The following AFTPH variants were observed in gnomAD, a reference collection of about 807,000 sequenced individuals.
AFTPH encodes the protein aftiphilin.
A neutral mutation model predicts 72.5 loss-of-function variants in AFTPH; 7 were observed. The ratio of observed to expected loss-of-function variants is 0.10; its 90% CI spans 0.05 to 0.18. The LOEUF (loss-of-function observed/expected upper bound fraction) is 0.18. AFTPH is among the 10% of genes least tolerant of loss of function. AFTPH has a pLI of 1.00. For synonymous variants in AFTPH, 337 were observed against 370.1 expected (o/e 0.91, Z 1.03); for missense variants, 979 against 1,060.5 (o/e 0.92, Z 1.07).
chr2:64,556,678 G>A (rs921308228), intron 2 of AFTPH, among the ~76,000 whole-genome samples: 8 of 152,098 alleles, frequency 5.3e-5, no homozygotes, highest in East Asian at 1.9e-4. Context: ...ATATGTCTTC[G>A]TTGGGGTTAG....
intron 7 of AFTPH, among the ~76,000 whole-genome samples, chr2:64,584,657 C>A (rs915834445): frequency 1.5e-5 from 2 of 134,704 alleles, no homozygotes; most frequent in South Asian, 2.3e-4. Context: ...AGTGCAGTGG[C>A]GTGATCTCGG....
At chr2:64,576,145 G>A (rs1672782882) in intron 6 of AFTPH, among the ~76,000 whole-genome samples, 1 of 143,698 alleles carries the variant, frequency 7.0e-6, no homozygotes, top group Non-Finnish European at 1.5e-5. Flanking sequence ...AAATACGTGT[G>A]TGTGTGTGTG....
At chr2:64,557,539 G>T (rs1232876154) in intron 2 of AFTPH, among the ~76,000 whole-genome samples, 1 of 152,176 alleles carries the variant, frequency 6.6e-6, no homozygotes, top group Non-Finnish European at 1.5e-5. Context: ...TGGAGTGCAG[G>T]TGCAATCTCG....
At chr2:64,570,826 G>C (rs901496180) in intron 5 of AFTPH, among the ~76,000 whole-genome samples, 9 of 151,432 alleles carry the variant, frequency 5.9e-5, no homozygotes, top group African/African-American at 2.2e-4. Context: ...TGAGAAGTTA[G>C]AGGCTAAAGC....
intron 1 of AFTPH, among the ~76,000 whole-genome samples, chr2:64,546,532 C>T (rs1010011349): frequency 6.6e-6 from 1 of 151,884 alleles, no homozygotes; most frequent in Non-Finnish European, 1.5e-5. Context: ...TTCTAAAATA[C>T]ACATATTTAA....
intron 6 of AFTPH, among the ~76,000 whole-genome samples, chr2:64,576,116 C>CGT (rs1274008069): frequency 9.0e-6 from 1 of 111,236 alleles, no homozygotes; most frequent in Non-Finnish European, 1.6e-5. Context: ...CACACACACA[C>CGT]ACGTGTGTCA....
chr2:64,538,866 GCTT>G (rs147518963), intron 1 of AFTPH, among the ~76,000 whole-genome samples: 6,734 of 152,210 alleles, frequency 0.044, 442 homozygotes, highest in East Asian at 0.14. Flanking sequence ...TTTAGTAAAT[GCTT>G]CTTTCTGTAA....
intron 8 of AFTPH, among the ~76,000 whole-genome samples, chr2:64,586,467 GCCTTT>G (rs1673515357): frequency 1.3e-5 from 2 of 152,120 alleles, no homozygotes; most frequent in African/African-American, 4.8e-5. Flanking sequence ...ATTTAAAAAA[GCCTTT>G]TTTATTGTGA....
intron 7 of AFTPH, 121 bp from the exon 9 acceptor site, chr2:64,585,301 A>G: frequency 8.2e-7 from 1 of 1,215,248 alleles, no homozygotes; most frequent in South Asian, 1.3e-5. Context: ...TGTTCTAAAG[A>G]TATGTTCTGT....
At chr2:64,582,641 C>T (rs993515594) in intron 7 of AFTPH, among the ~76,000 whole-genome samples, 13 of 152,166 alleles carry the variant, frequency 8.5e-5, no homozygotes, top group African/African-American at 3.1e-4. Context: ...GGAGGGACAA[C>T]CAAAAACATG....
chr2:64,585,511 A>C, exon 8 of AFTPH: 1 of 1,613,458 alleles, frequency 6.2e-7, no homozygotes, highest in Non-Finnish European at 8.5e-7. Context: ...TGCAAGACTC[A>C]TGTCTACAGT....
At chr2:64,591,048 A>G (rs1199117815) in intron 8 of AFTPH, among the ~76,000 whole-genome samples, 1 of 152,252 alleles carries the variant, frequency 6.6e-6, no homozygotes, top group Non-Finnish European at 1.5e-5. Flanking sequence ...CTCCTTTAAT[A>G]TATTTAATAT....
intron 6 of AFTPH, 31 bp downstream of exon 6, chr2:64,573,099 T>G: frequency 6.4e-7 from 1 of 1,554,824 alleles, no homozygotes; most frequent in South Asian, 1.1e-5. Flanking sequence ...ATAAATATGT[T>G]TATGCGTGTA....
At chr2:64,592,162 G>A (rs1391002109) in exon 9 of AFTPH, 1 of 985,984 alleles carries the variant, frequency 1.0e-6, no homozygotes, top group South Asian at 1.9e-5. Flanking sequence ...TTGTTGGTAA[G>A]CCGCACTAGA....
intron 8 of AFTPH, among the ~76,000 whole-genome samples, chr2:64,589,937 A>G (rs1673717506): frequency 1.6e-4 from 4 of 25,578 alleles, no homozygotes; most frequent in African/African-American, 5.6e-4. Context: ...CTATGCAAAT[A>G]CATATATGGG....
chr2:64,554,787 G>C (rs1481598680), intron 2 of AFTPH, among the ~76,000 whole-genome samples: 1 of 152,238 alleles, frequency 6.6e-6, no homozygotes, highest in African/African-American at 2.4e-5. Flanking sequence ...AATGAGGACT[G>C]TTGCTTTTGA....
chr2:64,578,374 A>G (rs1343084629), intron 6 of AFTPH, among the ~76,000 whole-genome samples: 1 of 152,212 alleles, frequency 6.6e-6, no homozygotes, highest in Non-Finnish European at 1.5e-5. Context: ...AATACAGGTT[A>G]TTTTAACACC....
chr2:64,592,427 A>G (rs1673882259), exon 9 of AFTPH: 1 of 153,586 alleles, frequency 6.5e-6, no homozygotes, highest in African/African-American at 2.4e-5. Context: ...TGTCCTCTTG[A>G]TTTTTCATAT....
intron 1 of AFTPH, among the ~76,000 whole-genome samples, chr2:64,529,676 C>T (rs1669506660): frequency 6.7e-6 from 1 of 149,972 alleles, no homozygotes; most frequent in Admixed American, 6.6e-5. Context: ...GTCACCCAGG[C>T]TGGAGTACAG....
Sources: gnomAD v4.1 joint callset for allele counts (sites outside exome capture counted in the v4.1 genomes callset) on GRCh38, gnomAD v4.1.1 for gene constraint, MANE v1.5 for transcripts, NCBI Gene and HGNC (gene_info 2026-07-23, HGNC 2026-07-21) for gene names.